The following GDAP1L1 variants were observed in gnomAD, a reference collection of about 807,000 sequenced individuals.
GDAP1L1 encodes the protein ganglioside-induced differentiation-associated protein 1-like 1.
A neutral mutation model predicts 37.1 loss-of-function variants in GDAP1L1; 21 were observed. The observed-to-expected ratio is 0.57, with a 90% CI of 0.40 to 0.81. The LOEUF is 0.81. Among genes scored for constraint, GDAP1L1 ranks in the 40% least tolerant of loss-of-function variants. The pLI, the probability that GDAP1L1 is intolerant of heterozygous loss-of-function variation, is 0.00. For missense variants in GDAP1L1, 362 were observed against 491.6 expected, an observed-to-expected ratio of 0.74 and a Z score of 2.49; for synonymous variants, 193 against 209.1, an observed-to-expected ratio of 0.92 and a Z score of 0.67.
intron 5 of GDAP1L1, among the ~76,000 whole-genome samples, chr20:44,273,287 G>A (rs1045176104): frequency 5.3e-5 from 8 of 152,090 alleles, no homozygotes; most frequent in African/African-American, 9.7e-5. Flanking sequence ...GTCCTGGTTC[G>A]CCTCCTATCT....
intron 3 of GDAP1L1, 98 bp downstream of exon 3, chr20:44,258,705 C>T (rs2073613358): frequency 1.3e-6 from 1 of 799,164 alleles, no homozygotes. Context: ...CTCTCTCTGT[C>T]CTCCCCTTCC....
intron 5 of GDAP1L1, among the ~76,000 whole-genome samples, 189 bp from the exon 6 acceptor site, chr20:44,278,768 G>A (rs529950972): frequency 1.2e-4 from 18 of 152,236 alleles, no homozygotes; most frequent in African/African-American, 2.6e-4. Context: ...AAAAACAGTC[G>A]ATTTAAACAA....
chr20:44,269,086 A>G (rs1364244131), intron 5 of GDAP1L1, among the ~76,000 whole-genome samples: 1 of 152,176 alleles, frequency 6.6e-6, no homozygotes, highest in Non-Finnish European at 1.5e-5. Context: ...TGCGGCCAGC[A>G]AATTTAAGAC....
intron 1 of GDAP1L1, among the ~76,000 whole-genome samples, chr20:44,250,553 A>G (rs1600524877): frequency 6.6e-6 from 1 of 152,228 alleles, no homozygotes; most frequent in East Asian, 1.9e-4. Flanking sequence ...ACTTTGTACA[A>G]GTGTCTTCTT....
intron 5 of GDAP1L1, chr20:44,265,504 G>A (rs1210685032): frequency 3.1e-6 from 3 of 983,276 alleles, no homozygotes; most frequent in East Asian, 1.1e-4. Context: ...TAGAGCCCAG[G>A]GTCTAAACAG....
chr20:44,278,780 A>G (rs2062611009), intron 5 of GDAP1L1, among the ~76,000 whole-genome samples, 177 bp from the exon 6 acceptor site: 1 of 152,254 alleles, frequency 6.6e-6, no homozygotes, highest in Admixed American at 6.5e-5. Flanking sequence ...TTTAAACAAA[A>G]AAATAATAAT....
intron 5 of GDAP1L1, among the ~76,000 whole-genome samples, chr20:44,278,626 T>G (rs564761922): frequency 1.4e-4 from 22 of 152,076 alleles, no homozygotes; most frequent in African/African-American, 5.3e-4. Flanking sequence ...AATGATCTGC[T>G]CACCTTGGCC....
chr20:44,251,329 G>A (rs2073437578), intron 1 of GDAP1L1, among the ~76,000 whole-genome samples: 1 of 152,158 alleles, frequency 6.6e-6, no homozygotes, highest in African/African-American at 2.4e-5. Flanking sequence ...CTGGTTCATG[G>A]TTCCCTTACT....
chr20:44,248,376 C>T (rs952511256), intron 1 of GDAP1L1, among the ~76,000 whole-genome samples: 2 of 152,262 alleles, frequency 1.3e-5, no homozygotes, highest in African/African-American at 2.4e-5. Flanking sequence ...AGAGGCAGGT[C>T]CTGCAGGGGC....
chr20:44,252,555 G>A (rs547487487), intron 1 of GDAP1L1, among the ~76,000 whole-genome samples: 82 of 152,332 alleles, frequency 5.4e-4, no homozygotes, highest in African/African-American at 1.8e-3. Flanking sequence ...CAAGAGAATC[G>A]CTTGAACCTG....
chr20:44,265,637 A>G (rs2073750121), intron 5 of GDAP1L1: 1 of 368,994 alleles, frequency 2.7e-6, no homozygotes, highest in African/African-American at 2.2e-5. Flanking sequence ...ATGGGATGGT[A>G]ATAATACAAC....
chr20:44,275,041 C>T (rs2062558759), intron 5 of GDAP1L1, among the ~76,000 whole-genome samples: 1 of 152,114 alleles, frequency 6.6e-6, no homozygotes, highest in Admixed American at 6.5e-5. Flanking sequence ...CACAGGCGCA[C>T]ATGCTACCGA....
chr20:44,278,880 A>G (rs1159255637), intron 5 of GDAP1L1, 77 bp from the exon 6 acceptor site: 1 of 898,998 alleles, frequency 1.1e-6, no homozygotes, highest in African/African-American at 1.7e-5. Context: ...TGCAGAAGCC[A>G]GTGGAGCTCA....
intron 1 of GDAP1L1, 75 bp from the exon 2 acceptor site, chr20:44,257,078 C>G: frequency 6.9e-7 from 1 of 1,439,418 alleles, no homozygotes; most frequent in Non-Finnish European, 9.2e-7. Flanking sequence ...TCCCTCCCCG[C>G]ACACCCCCGC....
chr20:44,256,710 C>T (rs1271598777), intron 1 of GDAP1L1, among the ~76,000 whole-genome samples: 1 of 151,994 alleles, frequency 6.6e-6, no homozygotes, highest in Non-Finnish European at 1.5e-5. Flanking sequence ...GCCAGATCTA[C>T]TCCTAGGGGC....
chr20:44,260,992 G>A (rs2073663824), intron 3 of GDAP1L1, among the ~76,000 whole-genome samples: 1 of 152,188 alleles, frequency 6.6e-6, no homozygotes, highest in Non-Finnish European at 1.5e-5. Flanking sequence ...AGTCCCCAAG[G>A]GCTTCTGGGA....
At chr20:44,266,490 A>G (rs552945358) in intron 5 of GDAP1L1, among the ~76,000 whole-genome samples, 3 of 152,080 alleles carry the variant, frequency 2.0e-5, no homozygotes, top group Admixed American at 6.5e-5. Context: ...GACATCAAGT[A>G]TATGTTATTC....
intron 5 of GDAP1L1, among the ~76,000 whole-genome samples, chr20:44,277,450 A>G (rs929242389): frequency 1.3e-5 from 2 of 152,354 alleles, no homozygotes; most frequent in Non-Finnish European, 2.9e-5. Context: ...CAGGAGTCCA[A>G]TGTGGCTGGA....
chr20:44,267,744 T>C (rs2062470300), intron 5 of GDAP1L1, among the ~76,000 whole-genome samples: 1 of 152,080 alleles, frequency 6.6e-6, no homozygotes, highest in Non-Finnish European at 1.5e-5. Context: ...GAAGTGTTCA[T>C]ATACATTGTG....
Sources: gnomAD v4.1 joint callset for allele counts (sites outside exome capture counted in the v4.1 genomes callset) on GRCh38, gnomAD v4.1.1 for gene constraint, MANE v1.5 for transcripts, NCBI Gene and HGNC (gene_info 2026-07-23, HGNC 2026-07-21) for gene names.